Variants in TRPV1 observed in about 807,000 individuals in gnomAD.
The protein encoded by TRPV1 is transient receptor potential cation channel subfamily V member 1.
In TRPV1, 82 loss-of-function variants were observed where a neutral mutation model predicts 82.3. The ratio of observed to expected loss-of-function variants is 1.00; its 90% CI spans 0.83 to 1.20. TRPV1 has a LOEUF of 1.20. Ranked by LOEUF, TRPV1 falls within the 50% of genes most tolerant of loss-of-function variation. TRPV1 has a pLI of 0.00. For missense variants in TRPV1, 1,067 were observed against 1,096.8 expected, an observed-to-expected ratio of 0.97 and a Z score of 0.38; for synonymous variants, 515 against 467.7, an observed-to-expected ratio of 1.10 and a Z score of -1.30.
chr17:3,584,454 A>G (rs1043634592), intron 9 of TRPV1, among the ~76,000 whole-genome samples: 6 of 150,800 alleles, frequency 4.0e-5, no homozygotes, highest in South Asian at 4.2e-4. Context: ...TGTGGCCTTA[A>G]TAGGTGGACA....
intron 13 of TRPV1, among the ~76,000 whole-genome samples, chr17:3,576,885 T>C (rs1043210994): frequency 6.9e-6 from 1 of 145,774 alleles, no homozygotes; most frequent in African/African-American, 2.5e-5. Context: ...AAAAAACAAC[T>C]GAGCCAAAAT....
chr17:3,584,752 C>A (rs1455248160), intron 9 of TRPV1, among the ~76,000 whole-genome samples: 1 of 152,066 alleles, frequency 6.6e-6, no homozygotes, highest in African/African-American at 2.4e-5. Context: ...GCAGAGATTG[C>A]GCCACTGCAC....
At chr17:3,577,091 C>A in intron 13 of TRPV1, 35 bp downstream of exon 13, 1 of 1,560,584 alleles carries the variant, frequency 6.4e-7, no homozygotes, top group South Asian at 1.2e-5. Flanking sequence ...CAAGCAGGAC[C>A]CCTGCCCTCC....
intron 2 of TRPV1, among the ~76,000 whole-genome samples, chr17:3,593,678 C>T (rs944402436): frequency 2.4e-4 from 36 of 152,210 alleles, no homozygotes; most frequent in African/African-American, 8.4e-4. Flanking sequence ...TCATGCTCCC[C>T]GCTGTCCTCC....
intron 2 of TRPV1, among the ~76,000 whole-genome samples, chr17:3,593,132 GTGTGTC>G (rs796139496): frequency 1.5e-3 from 30 of 20,350 alleles, no homozygotes; most frequent in African/African-American, 0.012. Context: ...GTGTGTGTGT[GTGTGTC>G]TGTGTGTCTC....
At chr17:3,589,732 C>T (rs779069405) in intron 7 of TRPV1, 75 bp downstream of exon 7, 841 of 1,512,484 alleles carry the variant, frequency 5.6e-4, no homozygotes, top group Non-Finnish European at 7.0e-4. Flanking sequence ...GCCAGGCTCC[C>T]GCAGTGAGTC....
chr17:3,575,528 A>T (rs1213954776), intron 13 of TRPV1, among the ~76,000 whole-genome samples: 1 of 152,138 alleles, frequency 6.6e-6, no homozygotes, highest in Non-Finnish European at 1.5e-5. Context: ...CACAGGATGA[A>T]GTGATTCAGG....
rs78613629 is a variant in TRPV1 at position 3,577,422 on chromosome 17, C to T, written c.1713+176G>A. On this transcript the variant is annotated intron_variant, in intron 12 of 16. Transcript: ENST00000572705. Reference sequence around the variant, plus strand: ...AGGGGGGGTCAGGTTTCAGGGGACCCCCCTACACATACCTGGGTCAGGGCC... The same window carrying T: ...AGGGGGGGTCAGGTTTCAGGGGACCTCCCTACACATACCTGGGTCAGGGCC... 1.0e-2 allele frequency among the ~76,000 whole-genome samples: 1,517 copies of T among 152,200 alleles called. 20 individuals carry two copies. The highest frequency in any genetic ancestry group is 0.034 in the African/African-American group (1,407 of 41,520).
intron 11 of TRPV1, 104 bp downstream of exon 11, chr17:3,580,353 T>G: frequency 8.7e-7 from 1 of 1,147,274 alleles, no homozygotes; most frequent in Non-Finnish European, 1.3e-6. Context: ...GCATGTTCAC[T>G]GAGGTCCCAC....
At chr17:3,570,626 T>TA (rs1286510404) in intron 16 of TRPV1, among the ~76,000 whole-genome samples, 3 of 152,216 alleles carry the variant, frequency 2.0e-5, no homozygotes, top group Non-Finnish European at 4.4e-5. Context: ...CGTCCTCAAT[T>TA]AGACATTTAT....
chr17:3,589,876 C>G lies in TRPV1; in HGVS notation c.975G>C (p.Lys325Asn). The G allele has an allele frequency of 1.2e-6, 2 of 1,612,612 alleles. No homozygotes were observed. Among genetic ancestry groups the G allele is most frequent in the Non-Finnish European group, 8.5e-7 (1 of 1,179,422 alleles). Residue 325 changes from lysine (K) to asparagine (N), a missense_variant, in exon 7 of 17, where the codon AAG becomes AAC. Coordinates refer to ENST00000572705, the MANE Select transcript of TRPV1 (RefSeq NM_080704.4). ...CCTTCTTGTTGGTGAGCTCCTCCAG[C>G]TTCAGCGTCGGGTGCAGTTTGGCCC... ...MLGAKLHPTLKLEELTNKKGM... is the reference protein window; with the variant it reads ...MLGAKLHPTLNLEELTNKKGM...
intron 2 of TRPV1, among the ~76,000 whole-genome samples, chr17:3,593,854 G>A (rs920506633): frequency 1.3e-5 from 2 of 152,138 alleles, no homozygotes; most frequent in African/African-American, 4.8e-5. Context: ...GCCTGGGCGC[G>A]TGGCTCACGC....
intron 2 of TRPV1, among the ~76,000 whole-genome samples, chr17:3,599,789 C>T (rs2150857713): frequency 6.6e-6 from 1 of 152,150 alleles, no homozygotes; most frequent in Middle Eastern, 3.4e-3. Flanking sequence ...CCACCACACC[C>T]AACTAATTTT....
Position 3,566,559 on chromosome 17 carries a change from A to C in TRPV1, c.*256T>G, listed in dbSNP as rs4790522. 0.58 allele frequency: 224,515 copies of C among 389,250 alleles called. 66,035 individuals carry two copies. The highest frequency in any genetic ancestry group is 0.73 in the East Asian group (17,558 of 24,030). 24.1% of individuals were successfully genotyped at this position (389,250 alleles called of 1,614,324 possible). ...TGTCCCAGTAGAGACTGACCATCCA[A>C]ACTGTTTAGTAAAGTGAGTAAAAAC... On this transcript the variant is annotated 3_prime_UTR_variant, in exon 17 of 17. Coordinates refer to ENST00000572705, the MANE Select transcript of TRPV1 (RefSeq NM_080704.4).
chr17:3,582,189 C>CAAAAAAAAA (rs71153376), intron 10 of TRPV1, among the ~76,000 whole-genome samples: 1 of 25,902 alleles, frequency 3.9e-5, no homozygotes, highest in Non-Finnish European at 7.3e-5. Flanking sequence ...GACTCCATCT[C>CAAAAAAAAA]AAAAAAAAAA....
At chr17:3,586,739 T>C (rs913805541) in intron 8 of TRPV1, among the ~76,000 whole-genome samples, 3 of 152,056 alleles carry the variant, frequency 2.0e-5, no homozygotes, top group Non-Finnish European at 4.4e-5. Flanking sequence ...GCCATTGCAC[T>C]CCAACCTGGG....
intron 3 of TRPV1, 129 bp downstream of exon 3, chr17:3,591,938 C>G: frequency 7.4e-7 from 1 of 1,346,130 alleles, no homozygotes. Context: ...GGACGCTGGA[C>G]CAGACCACCC....
At chr17:3,585,154 C>CT (rs11390232) in intron 9 of TRPV1, 29,357 of 147,324 alleles carry the variant, frequency 0.2, 3,706 homozygotes, top group East Asian at 0.5. Flanking sequence ...CGTGATTTTT[C>CT]TTTTTTTTTT....
intron 11 of TRPV1, chr17:3,578,947 T>G (rs2074970535): frequency 6.6e-6 from 1 of 152,158 alleles, no homozygotes; most frequent in Admixed American, 6.6e-5. Context: ...ATCCCACATG[T>G]TCTTACTTAT....
Sources: gnomAD v4.1 joint callset for allele counts (sites outside exome capture counted in the v4.1 genomes callset) on GRCh38, gnomAD v4.1.1 for gene constraint, MANE v1.5 for transcripts, NCBI Gene and HGNC (gene_info 2026-07-23, HGNC 2026-07-21) for gene names.